Variants in EXTL3 observed in about 807,000 individuals in gnomAD.
The protein encoded by EXTL3 is exostosin like glycosyltransferase 3.
Under a neutral mutation model 69.3 loss-of-function variants are expected in EXTL3, and 27 were observed. That is an observed-to-expected ratio of 0.39 (90% CI 0.29 to 0.54). The LOEUF is 0.54. EXTL3 is among the 20% of genes least tolerant of loss of function. The probability of loss-of-function intolerance (pLI) is 0.69; values close to 1 mark genes in which losing one functional copy is unlikely to be tolerated. For synonymous variants in EXTL3, 511 were observed against 499.4 expected (o/e 1.02, Z -0.31); for missense variants, 1,003 against 1,231.8 (o/e 0.81, Z 2.78).
At chr8:28,652,029 G>A (rs573612595) in intron 1 of EXTL3, among the ~76,000 whole-genome samples, 2 of 133,566 alleles carry the variant, frequency 1.5e-5, no homozygotes, top group East Asian at 4.4e-4. Flanking sequence ...ATTCCATTGT[G>A]TGTGTGTGTC....
At chr8:28,740,752 T>C (rs1349736357) in intron 5 of EXTL3, 1 of 152,200 alleles carries the variant, frequency 6.6e-6, no homozygotes, top group African/African-American at 2.4e-5. Context: ...TATTTACTTA[T>C]AAATTTTATG....
At chr8:28,721,979 G>A (rs1050537761) in intron 3 of EXTL3, among the ~76,000 whole-genome samples, 11 of 152,262 alleles carry the variant, frequency 7.2e-5, no homozygotes, top group Admixed American at 2.6e-4. Flanking sequence ...TTGGCAGCCC[G>A]TCCCTGAGTC....
At chr8:28,700,212 G>A (rs888390314), upstream of EXTL3, 6 of 152,152 alleles carry the variant, frequency 3.9e-5, no homozygotes, top group Admixed American at 2.0e-4. Context: ...GACTTGGAAA[G>A]CATTTGTTTA....
intron 1 of EXTL3, among the ~76,000 whole-genome samples, chr8:28,681,717 T>C (rs1807493265): frequency 6.6e-6 from 1 of 152,108 alleles, no homozygotes; most frequent in Non-Finnish European, 1.5e-5. Context: ...TTGAGGAGTC[T>C]CCATACTGTT....
intron 1 of EXTL3, among the ~76,000 whole-genome samples, chr8:28,625,121 G>C (rs1265663470): frequency 6.6e-6 from 1 of 152,156 alleles, no homozygotes; most frequent in Non-Finnish European, 1.5e-5. Context: ...AACTCAAACA[G>C]GTGAGTGACT....
At chr8:28,672,100 T>C (rs1807303491) in intron 1 of EXTL3, among the ~76,000 whole-genome samples, 1 of 152,144 alleles carries the variant, frequency 6.6e-6, no homozygotes, top group South Asian at 2.1e-4. Flanking sequence ...GTAATTGTGA[T>C]AACTGTTTGC....
At chr8:28,610,328 G>C (rs1806255433) in intron 2 of EXTL3, among the ~76,000 whole-genome samples, 2 of 152,002 alleles carry the variant, frequency 1.3e-5, no homozygotes, top group Non-Finnish European at 2.9e-5. Flanking sequence ...GGAATCCTGG[G>C]GCAATTTCCT....
At chr8:28,744,758 A>G (rs1159108423) in intron 6 of EXTL3, among the ~76,000 whole-genome samples, 1 of 150,594 alleles carries the variant, frequency 6.6e-6, no homozygotes, top group Admixed American at 6.6e-5. Flanking sequence ...GCGCCACTGC[A>G]CTCCAGCCTG....
intron 1 of EXTL3, among the ~76,000 whole-genome samples, chr8:28,656,128 A>G (rs533343235): frequency 1.4e-4 from 21 of 152,168 alleles, no homozygotes; most frequent in Admixed American, 5.2e-4. Context: ...CTGGTCATTT[A>G]TAATTTATAA....
At chr8:28,715,192 C>A (rs1220985918) in intron 2 of EXTL3, among the ~76,000 whole-genome samples, 1 of 152,064 alleles carries the variant, frequency 6.6e-6, no homozygotes, top group African/African-American at 2.4e-5. Flanking sequence ...CATAAACTAC[C>A]CAGGTTGGCT....
intron 3 of EXTL3, among the ~76,000 whole-genome samples, chr8:28,730,781 A>G (rs1801518620): frequency 7.0e-6 from 1 of 143,516 alleles, no homozygotes; most frequent in South Asian, 2.2e-4. Flanking sequence ...TTTATATCCC[A>G]AAAAGGCGTT....
chr8:28,733,818 C>CT (rs768694070), intron 4 of EXTL3, among the ~76,000 whole-genome samples: 2,467 of 139,068 alleles, frequency 0.018, 47 homozygotes, highest in African/African-American at 0.052. Flanking sequence ...GGATTGTCGT[C>CT]TTTTTTTTTT....
chr8:28,611,931 C>A (rs548902235), intron 2 of EXTL3, among the ~76,000 whole-genome samples: 3 of 152,166 alleles, frequency 2.0e-5, no homozygotes, highest in Non-Finnish European at 4.4e-5. Flanking sequence ...GCAAGAGGAT[C>A]GTCATTTCCT....
At chr8:28,742,188 A>G (rs995038291) in intron 5 of EXTL3, 1 of 152,256 alleles carries the variant, frequency 6.6e-6, no homozygotes, top group Non-Finnish European at 1.5e-5. Flanking sequence ...AATATTAACT[A>G]GGAAGTAATG....
chr8:28,746,924 T>G (rs1340472878), intron 6 of EXTL3, among the ~76,000 whole-genome samples: 1 of 152,204 alleles, frequency 6.6e-6, no homozygotes, highest in East Asian at 1.9e-4. Flanking sequence ...TCTGCCCGCC[T>G]TGGCCTCCCA....
chr8:28,630,174 C>T (rs1806551538), intron 1 of EXTL3, among the ~76,000 whole-genome samples: 1 of 152,096 alleles, frequency 6.6e-6, no homozygotes, highest in African/African-American at 2.4e-5. Context: ...AGGTTTTTCC[C>T]ATGCTGCTCT....
At chr8:28,607,916 T>G (rs535806478) in intron 2 of EXTL3, among the ~76,000 whole-genome samples, 139 of 151,352 alleles carry the variant, frequency 9.2e-4, no homozygotes, top group East Asian at 4.7e-3. Flanking sequence ...ATCGAGACCA[T>G]CCTGGCTAAC....
chr8:28,623,151 C>G lies in EXTL3; in HGVS notation c.-53+341C>G, dbSNP rs976296345. ...AGAACTGGGAGAGTGTGGCTGTCGG[C>G]AGGGGTCCGTATCACACTGTGGGCG... On this transcript the variant is annotated intron_variant, in intron 1 of 6. Coordinates refer to the EXTL3 transcript ENST00000523149. This position sits in a 1 kb window ranked among gnomAD's most constrained non-coding sequence, Gnocchi z 4.2. Among the ~76,000 whole-genome samples, 5 of 151,946 alleles carry G rather than the reference C, an allele frequency of 3.3e-5. No individual in the cohort carries two copies. Among genetic ancestry groups the G allele is most frequent in the Non-Finnish European group, 7.4e-5 (5 of 67,946 alleles).
At chr8:28,632,880 G>T (rs1806590225) in intron 1 of EXTL3, among the ~76,000 whole-genome samples, 1 of 152,080 alleles carries the variant, frequency 6.6e-6, no homozygotes, top group Non-Finnish European at 1.5e-5. Flanking sequence ...GCAACTCTCT[G>T]TGGTACATAC....
Sources: gnomAD v4.1 joint callset for allele counts (sites outside exome capture counted in the v4.1 genomes callset) on GRCh38, gnomAD v4.1.1 for gene constraint, Gnocchi (gnomAD v3.1) non-coding constraint, MANE v1.5 for transcripts, NCBI Gene and HGNC (gene_info 2026-07-23, HGNC 2026-07-21) for gene names.